Variants in CPEB1 observed in about 807,000 individuals in gnomAD.
CPEB1 encodes cytoplasmic polyadenylation element binding protein 1.
A neutral mutation model predicts 65.8 loss-of-function variants in CPEB1; 7 were observed. The ratio of observed to expected loss-of-function variants is 0.11; its 90% CI spans 0.06 to 0.20. The LOEUF is 0.20. Ranked by LOEUF, CPEB1 falls within the 10% of genes least tolerant of loss-of-function variation. The probability of loss-of-function intolerance (pLI) is 1.00; values close to 1 mark genes in which losing one functional copy is unlikely to be tolerated. For missense variants in CPEB1, 551 were observed against 712.2 expected, an observed-to-expected ratio of 0.77 and a Z score of 2.58; for synonymous variants, 262 against 260.0, an observed-to-expected ratio of 1.01 and a Z score of -0.08.
At chr15:82,636,054 C>T (rs138775735) in intron 1 of CPEB1, among the ~76,000 whole-genome samples, 2 of 152,294 alleles carry the variant, frequency 1.3e-5, no homozygotes, top group Non-Finnish European at 2.9e-5. Flanking sequence ...CATCACCTGA[C>T]TTTCCTCTCT....
At chr15:82,648,065 G>A (rs1210947610), upstream of CPEB1, 4 of 393,480 alleles carry the variant, frequency 1.0e-5, no homozygotes, top group South Asian at 1.4e-4. Flanking sequence ...GCCCCGCCCG[G>A]GCCCTCGCCT....
At chr15:82,636,506 C>T (rs978906536) in intron 1 of CPEB1, among the ~76,000 whole-genome samples, 2 of 152,156 alleles carry the variant, frequency 1.3e-5, no homozygotes, top group African/African-American at 4.8e-5. Flanking sequence ...TCTCTTAACT[C>T]AGTGTGGAAG....
intron 3 of CPEB1, among the ~76,000 whole-genome samples, chr15:82,579,991 A>AACT (rs2041106467): frequency 7.0e-6 from 1 of 142,758 alleles, no homozygotes; most frequent in Non-Finnish European, 1.5e-5. Context: ...ATTAAGATAA[A>AACT]ACTCAGCGGG....
At chr15:82,589,446 T>C (rs747743325) in intron 3 of CPEB1, among the ~76,000 whole-genome samples, 2 of 152,210 alleles carry the variant, frequency 1.3e-5, no homozygotes, top group Non-Finnish European at 2.9e-5. Flanking sequence ...TATTGCTGAG[T>C]ATAATTTGAA....
intron 4 of CPEB1, among the ~76,000 whole-genome samples, chr15:82,558,391 TAGA>T (rs2037601878): frequency 6.6e-6 from 1 of 152,228 alleles, no homozygotes; most frequent in South Asian, 2.1e-4. Context: ...ATTTGTTTAT[TAGA>T]AGAATTCTCA....
intron 3 of CPEB1, among the ~76,000 whole-genome samples, chr15:82,605,988 A>G (rs1353124774): frequency 6.6e-6 from 1 of 152,104 alleles, no homozygotes; most frequent in Non-Finnish European, 1.5e-5. Context: ...TGGTGAGGCG[A>G]GATCGCGCCA....
intron 1 of CPEB1, among the ~76,000 whole-genome samples, chr15:82,632,361 A>G (rs1176420972): frequency 1.3e-5 from 2 of 152,196 alleles, no homozygotes; most frequent in Non-Finnish European, 2.9e-5. Flanking sequence ...AATTCTGTAC[A>G]TGAAATTAAA....
At chr15:82,594,517 G>C (rs2042526026) in intron 3 of CPEB1, among the ~76,000 whole-genome samples, 1 of 152,138 alleles carries the variant, frequency 6.6e-6, no homozygotes, top group African/African-American at 2.4e-5. Context: ...AGGGAATGTT[G>C]TGGCTGATCT....
chr15:82,568,171 C>T (rs2039453758), intron 4 of CPEB1, among the ~76,000 whole-genome samples: 1 of 152,134 alleles, frequency 6.6e-6, no homozygotes, highest in African/African-American at 2.4e-5. Context: ...TCACTTTGGG[C>T]ACTTTGTAAC....
chr15:82,613,062 GA>G (rs767550563), intron 3 of CPEB1, among the ~76,000 whole-genome samples: 1 of 149,044 alleles, frequency 6.7e-6, no homozygotes, highest in Non-Finnish European at 1.5e-5. Flanking sequence ...AGAAGCTAAT[GA>G]TTTGCTTCAA....
chr15:82,583,284 T>C (rs1567200558), intron 3 of CPEB1: 1 of 152,198 alleles, frequency 6.6e-6, no homozygotes, highest in Non-Finnish European at 1.5e-5. Flanking sequence ...TTCAGAGTCC[T>C]TGAATACAAC....
chr15:82,605,492 T>C (rs1015953846), intron 3 of CPEB1, among the ~76,000 whole-genome samples: 2 of 152,160 alleles, frequency 1.3e-5, no homozygotes, highest in Non-Finnish European at 1.5e-5. Context: ...TATAGTTGTA[T>C]AGTTGTATAC....
At chr15:82,592,514 G>T (rs1482760839) in intron 3 of CPEB1, among the ~76,000 whole-genome samples, 1 of 150,350 alleles carries the variant, frequency 6.7e-6, no homozygotes, top group Non-Finnish European at 1.5e-5. Flanking sequence ...GGAGGCAGAG[G>T]TTGCAGTGAG....
rs1474458250 is a variant in CPEB1 at position 82,628,562 on chromosome 15, G to A, written c.-97-6C>T. ...CTATTACACAGGCACTGAAACTAAC[G>A]CAAATGGTGGAATTAGGATTGGTAC... is the stretch of plus-strand genomic sequence containing the variant. On this transcript the variant is annotated splice_polypyrimidine_tract_variant and splice_region_variant and intron_variant, in intron 1 of 12. Transcript: ENST00000684509. The A allele has an allele frequency of 2.4e-5, 15 of 635,838 alleles. No homozygotes were observed. The East Asian group carries it at 3.0e-4, about 13-fold the overall frequency. The allele number at this position is 635,838 out of a possible 1,614,324, so 39.4% of individuals were successfully genotyped here.
At chr15:82,547,724 G>A (rs1047168920) in intron 10 of CPEB1, among the ~76,000 whole-genome samples, 3 of 151,746 alleles carry the variant, frequency 2.0e-5, no homozygotes, top group South Asian at 2.1e-4. Context: ...TCAGGCTGGA[G>A]TGTAATGGCG....
intron 3 of CPEB1, among the ~76,000 whole-genome samples, chr15:82,588,028 C>G (rs1193183063): frequency 1.3e-5 from 2 of 152,066 alleles, no homozygotes; most frequent in Non-Finnish European, 2.9e-5. Context: ...CTCAAGCGAT[C>G]CTCCCACCTC....
chr15:82,642,312 G>A (rs1196225754), intron 1 of CPEB1, among the ~76,000 whole-genome samples: 1 of 152,224 alleles, frequency 6.6e-6, no homozygotes, highest in African/African-American at 2.4e-5. Context: ...CCAATACTCT[G>A]GGAGGCTGAG....
intron 3 of CPEB1, among the ~76,000 whole-genome samples, chr15:82,573,536 C>G (rs1437302260): frequency 6.6e-6 from 1 of 152,098 alleles, no homozygotes; most frequent in African/African-American, 2.4e-5. Context: ...CTCCCCTACA[C>G]CAAATATCTA....
At chr15:82,601,654 A>G (rs890354806) in intron 3 of CPEB1, among the ~76,000 whole-genome samples, 2 of 152,202 alleles carry the variant, frequency 1.3e-5, no homozygotes, top group Non-Finnish European at 2.9e-5. Context: ...CATGTCTTAC[A>G]ATATAAGGTC....
Sources: allele counts gnomAD v4.1 joint callset (sites outside exome capture counted in the v4.1 genomes callset), GRCh38; gene constraint gnomAD v4.1.1; transcripts MANE v1.5; gene names NCBI Gene and HGNC (gene_info 2026-07-23, HGNC 2026-07-21).